Variants in INPP4B observed in about 807,000 individuals in gnomAD.
The protein encoded by INPP4B is inositol polyphosphate 4-phosphatase type II.
In INPP4B, 55 loss-of-function variants were observed where a neutral mutation model predicts 122.5. The ratio of observed to expected loss-of-function variants is 0.45; its 90% CI spans 0.36 to 0.56. The LOEUF (loss-of-function observed/expected upper bound fraction) is 0.56, where lower values mean the gene tolerates loss of function less well. INPP4B is among the 20% of genes least tolerant of loss of function. The probability of loss-of-function intolerance (pLI) is 0.00; values close to 1 mark genes in which losing one functional copy is unlikely to be tolerated. For missense variants in INPP4B, 1,000 were observed against 1,097.7 expected, an observed-to-expected ratio of 0.91 and a Z score of 1.26; for synonymous variants, 403 against 388.7, an observed-to-expected ratio of 1.04 and a Z score of -0.43.
chr4:142,232,583 T>C (rs1854865116), intron 12 of INPP4B, among the ~76,000 whole-genome samples: 1 of 151,786 alleles, frequency 6.6e-6, no homozygotes, highest in African/African-American at 2.4e-5. Context: ...TGGGCCTCAC[T>C]ATCCCATGAA....
chr4:142,109,416 C>T (rs974806404), intron 22 of INPP4B, among the ~76,000 whole-genome samples: 5 of 152,086 alleles, frequency 3.3e-5, no homozygotes, highest in African/African-American at 1.2e-4. Flanking sequence ...ATCATATCAA[C>T]TCACTGAACT....
intron 2 of INPP4B, among the ~76,000 whole-genome samples, chr4:142,644,346 C>T (rs1321045473): frequency 6.6e-6 from 1 of 151,768 alleles, no homozygotes; most frequent in East Asian, 1.9e-4. Flanking sequence ...GAAAGAAGAC[C>T]TGTTTCCACT....
At chr4:142,400,746 C>A (rs145984514) in intron 7 of INPP4B, among the ~76,000 whole-genome samples, 2 of 152,126 alleles carry the variant, frequency 1.3e-5, no homozygotes, top group Non-Finnish European at 2.9e-5. Flanking sequence ...CATACTTTTA[C>A]GCCATAACAC....
chr4:142,558,754 C>T (rs1328866389), intron 2 of INPP4B, among the ~76,000 whole-genome samples: 1 of 125,124 alleles, frequency 8.0e-6, no homozygotes, highest in Non-Finnish European at 1.6e-5. Context: ...GAGATCACGC[C>T]ATTGCACTAC....
At chr4:142,592,100 T>A (rs1737623738) in intron 2 of INPP4B, among the ~76,000 whole-genome samples, 1 of 152,208 alleles carries the variant, frequency 6.6e-6, no homozygotes, top group African/African-American at 2.4e-5. Flanking sequence ...ATGAGACACA[T>A]GGGAACTTTG....
Position 142,809,388 on chromosome 4 carries a change from A to G in INPP4B, c.-254+36821T>C, listed in dbSNP as rs568451575. 1.8e-3 allele frequency among the ~76,000 whole-genome samples: 273 copies of G among 152,138 alleles called. 2 individuals carry two copies. Among genetic ancestry groups the G allele is most frequent in the Non-Finnish European group, 3.2e-3 (218 of 67,970 alleles). On this transcript the variant is annotated intron_variant, in intron 1 of 25. Transcript: ENST00000262992. ...AGACCTAGTAATTAATTTTCATTTC[A>G]CTCTTTGAAAAAACAAAGGCCTTCT... is the stretch of plus-strand genomic sequence containing the variant.
At position 142,680,509 on chromosome 4, in the gene INPP4B, T is replaced by C. The variant is rs117026628; in HGVS notation, c.-191+45330A>G. On this transcript the variant is annotated intron_variant, in intron 2 of 25. Transcript: ENST00000262992. ...CTGGGTATTTATCTATAAAAAACCA[T>C]GAAAAATAAAAAGATGCAAAATTCT... Among the ~76,000 whole-genome samples the C allele has an allele frequency of 1.9e-3, 288 of 151,924 alleles. 6 individuals are homozygous for C. The East Asian group carries it at 0.047, about 25-fold the overall frequency.
In INPP4B at chr4:142,504,245, G is replaced by A. The variant is rs1823730571; in HGVS notation, c.-190-41519C>T. Among the ~76,000 whole-genome samples, 4 of 151,964 alleles carry A rather than the reference G, an allele frequency of 2.6e-5. No individual in the cohort carries two copies. In the South Asian group the frequency reaches 8.3e-4, roughly 32 times the overall value. ...AAGGACTATGAAAGAACAGTTCACA[G>A]AGGAAAAAAAGATGCTTAAATTTAC... On this transcript the variant is annotated intron_variant, in intron 2 of 25. Coordinates refer to ENST00000262992, the MANE Select transcript of INPP4B (RefSeq NM_001101669.3).
At chr4:142,147,998 T>C (rs571233649) in intron 17 of INPP4B, among the ~76,000 whole-genome samples, 2 of 152,266 alleles carry the variant, frequency 1.3e-5, no homozygotes, top group African/African-American at 2.4e-5. Context: ...GGAGCTTCCA[T>C]TCTGGAGCAC....
intron 4 of INPP4B, among the ~76,000 whole-genome samples, chr4:142,429,842 C>T (rs1808904077): frequency 6.6e-6 from 1 of 151,942 alleles, no homozygotes; most frequent in South Asian, 2.1e-4. Flanking sequence ...AGAAATGGAA[C>T]CATCTAACAG....
At chr4:142,500,230 C>A (rs2149816364) in intron 2 of INPP4B, among the ~76,000 whole-genome samples, 1 of 152,220 alleles carries the variant, frequency 6.6e-6, no homozygotes. Flanking sequence ...GCACTTAAAT[C>A]CTATATATTC....
At chr4:142,056,605 A>G (rs1054936336) in intron 25 of INPP4B, among the ~76,000 whole-genome samples, 2 of 152,150 alleles carry the variant, frequency 1.3e-5, no homozygotes, top group African/African-American at 4.8e-5. Context: ...CCAGAACAAC[A>G]TAAGATTGAG....
At chr4:142,444,655 T>C (rs1812521258) in intron 3 of INPP4B, among the ~76,000 whole-genome samples, 1 of 152,076 alleles carries the variant, frequency 6.6e-6, no homozygotes, top group Non-Finnish European at 1.5e-5. Flanking sequence ...ATTCCATTAC[T>C]GGGTATATAC....
At chr4:142,667,074 T>C (rs1292450312) in intron 2 of INPP4B, among the ~76,000 whole-genome samples, 2 of 152,158 alleles carry the variant, frequency 1.3e-5, no homozygotes, top group Non-Finnish European at 2.9e-5. Flanking sequence ...GCCTAAATTG[T>C]GGGGCAATGC....
intron 1 of INPP4B, among the ~76,000 whole-genome samples, chr4:142,803,902 CA>C (rs904912144): frequency 7.9e-5 from 12 of 151,528 alleles, no homozygotes; most frequent in Non-Finnish European, 1.5e-4. Context: ...ACTAAAAATA[CA>C]AAAAAATTAG....
At chr4:142,066,233 G>T (rs1763430003) in intron 25 of INPP4B, among the ~76,000 whole-genome samples, 1 of 152,202 alleles carries the variant, frequency 6.6e-6, no homozygotes, top group Admixed American at 6.5e-5. Flanking sequence ...AAAGTTATAA[G>T]TAATCACATA....
chr4:142,506,763 A>G (rs1319799615), intron 2 of INPP4B, among the ~76,000 whole-genome samples: 1 of 152,202 alleles, frequency 6.6e-6, no homozygotes, highest in Non-Finnish European at 1.5e-5. Context: ...GAAAGTTATG[A>G]TATATGATTA....
At chr4:142,448,597 A>C (rs1341904776) in intron 3 of INPP4B, among the ~76,000 whole-genome samples, 1 of 152,156 alleles carries the variant, frequency 6.6e-6, no homozygotes, top group Non-Finnish European at 1.5e-5. Flanking sequence ...ACAAATGCTA[A>C]ATAATGTCAA....
chr4:142,312,800 A>T (rs1311877578), intron 8 of INPP4B, among the ~76,000 whole-genome samples: 1 of 152,196 alleles, frequency 6.6e-6, no homozygotes, highest in African/African-American at 2.4e-5. Context: ...GAACCTGACA[A>T]GGGCCTCAGA....
Sources: allele counts gnomAD v4.1 joint callset (sites outside exome capture counted in the v4.1 genomes callset), GRCh38; gene constraint gnomAD v4.1.1; transcripts MANE v1.5; gene names NCBI Gene and HGNC (gene_info 2026-07-23, HGNC 2026-07-21).